CADPS2: variants seen among roughly 807,000 people sequenced by gnomAD.
CADPS2 encodes the protein calcium-dependent secretion activator 2.
Under a neutral mutation model 172.5 loss-of-function variants are expected in CADPS2, and 93 were observed. The observed-to-expected ratio is 0.54, with a 90% confidence interval of 0.46 to 0.64. The LOEUF (loss-of-function observed/expected upper bound fraction) is 0.64, where lower values mean the gene tolerates loss of function less well. CADPS2 is among the 30% of genes least tolerant of loss of function. The pLI, the probability that CADPS2 is intolerant of heterozygous loss-of-function variation, is 0.00. For missense variants in CADPS2, 1,420 were observed against 1,565.9 expected (o/e 0.91, Z 1.57); for synonymous variants, 546 against 555.2 (o/e 0.98, Z 0.23).
chr7:122,406,165 T>G (rs1033337812), intron 20 of CADPS2, among the ~76,000 whole-genome samples: 15 of 151,818 alleles, frequency 9.9e-5, no homozygotes, highest in African/African-American at 3.4e-4. Context: ...CTATGTGATT[T>G]CCCCCCCACC....
chr7:122,408,615 C>G (rs377026929), intron 19 of CADPS2, among the ~76,000 whole-genome samples: 1 of 151,996 alleles, frequency 6.6e-6, no homozygotes, highest in Admixed American at 6.6e-5. Flanking sequence ...TTAGGAGAAA[C>G]GGGGTTTTGC....
At chr7:122,355,695 T>C (rs2039306137) in intron 27 of CADPS2, among the ~76,000 whole-genome samples, 1 of 152,194 alleles carries the variant, frequency 6.6e-6, no homozygotes, top group Non-Finnish European at 1.5e-5. Context: ...GGTGGAATTT[T>C]TGGGCTCTGT....
chr7:122,447,178 T>A (rs1380641340), intron 15 of CADPS2, among the ~76,000 whole-genome samples: 1 of 152,042 alleles, frequency 6.6e-6, no homozygotes, highest in Non-Finnish European at 1.5e-5. Context: ...ATGAGAATGT[T>A]CTAGACAACT....
intron 7 of CADPS2, among the ~76,000 whole-genome samples, chr7:122,557,794 A>C (rs139182334): frequency 6.6e-6 from 1 of 152,210 alleles, no homozygotes; most frequent in Admixed American, 6.5e-5. Context: ...TCACCAGTAT[A>C]GAACTGTTGC....
chr7:122,474,352 T>C (rs1205983475), intron 13 of CADPS2, 29 bp downstream of exon 13: 2 of 1,602,418 alleles, frequency 1.2e-6, no homozygotes, highest in Admixed American at 1.7e-5. Flanking sequence ...TATTCCAACT[T>C]ATAGGGGACT....
intron 28 of CADPS2, among the ~76,000 whole-genome samples, chr7:122,335,633 A>T (rs1424219711): frequency 6.6e-6 from 1 of 152,232 alleles, no homozygotes; most frequent in Non-Finnish European, 1.5e-5. Flanking sequence ...GAATAAATAG[A>T]AGGCTTGAAA....
intron 1 of CADPS2, among the ~76,000 whole-genome samples, chr7:122,753,791 G>A (rs369561450): frequency 5.3e-5 from 8 of 152,044 alleles, no homozygotes; most frequent in African/African-American, 1.9e-4. Context: ...GCATGCTCTT[G>A]GGGACATACA....
At chr7:122,552,152 T>C (rs1367488762) in intron 8 of CADPS2, among the ~76,000 whole-genome samples, 2 of 152,200 alleles carry the variant, frequency 1.3e-5, no homozygotes, top group Non-Finnish European at 2.9e-5. Flanking sequence ...TTAATTCTTC[T>C]AATATTAGTA....
intron 17 of CADPS2, among the ~76,000 whole-genome samples, chr7:122,418,836 T>C (rs977754032): frequency 3.9e-5 from 6 of 152,182 alleles, no homozygotes; most frequent in African/African-American, 1.2e-4. Flanking sequence ...ACTAACTACA[T>C]TGCCACATAA....
chr7:122,861,660 T>C (rs1816972642), intron 1 of CADPS2, among the ~76,000 whole-genome samples: 1 of 152,216 alleles, frequency 6.6e-6, no homozygotes, highest in Admixed American at 6.5e-5. Flanking sequence ...TCAAAACAAC[T>C]AGAATAGAGG....
intron 8 of CADPS2, among the ~76,000 whole-genome samples, chr7:122,538,059 C>A (rs1049636767): frequency 1.3e-5 from 2 of 151,462 alleles, no homozygotes; most frequent in African/African-American, 2.4e-5. Context: ...CCCTTACCTC[C>A]AACCGAAGTT....
chr7:122,701,222 A>G (rs1193567894), intron 2 of CADPS2, among the ~76,000 whole-genome samples: 3 of 152,236 alleles, frequency 2.0e-5, no homozygotes, highest in Non-Finnish European at 4.4e-5. Context: ...ACGATTAAGA[A>G]AATGTGGCAC....
intron 1 of CADPS2, among the ~76,000 whole-genome samples, chr7:122,794,070 T>C (rs1333735725): frequency 6.6e-6 from 1 of 152,154 alleles, no homozygotes; most frequent in Non-Finnish European, 1.5e-5. Flanking sequence ...TTCTTTCATT[T>C]CAGCCTAGAG....
Position 122,739,560 on chromosome 7 carries a change from C to G in CADPS2, c.340-2492G>C, listed in dbSNP as rs564845016. Among the ~76,000 whole-genome samples, 21 of 152,184 alleles carry G rather than the reference C, an allele frequency of 1.4e-4. No homozygotes were observed. The East Asian group carries it at 3.1e-3, about 22-fold the overall frequency. On this transcript the variant is annotated intron_variant, in intron 1 of 29. Coordinates refer to ENST00000449022, the MANE Select transcript of CADPS2 (RefSeq NM_017954.11). ...AAGCTCCAACAAAGTTGATATAGTT[C>G]ACAAAATAAGCCAGAGTCACCTGGC...
At chr7:122,459,032 C>A (rs1390479433) in intron 14 of CADPS2, among the ~76,000 whole-genome samples, 1 of 151,810 alleles carries the variant, frequency 6.6e-6, no homozygotes, top group Non-Finnish European at 1.5e-5. Context: ...AAAATAAAGA[C>A]CAAAATGAAA....
intron 6 of CADPS2, 110 bp from the exon 7 acceptor site, chr7:122,581,400 A>G: frequency 2.6e-6 from 2 of 755,406 alleles, no homozygotes; most frequent in South Asian, 1.7e-5. Flanking sequence ...GTGCTCAATG[A>G]GCTTTTTATC....
intron 8 of CADPS2, among the ~76,000 whole-genome samples, chr7:122,514,905 G>A (rs1054371295): frequency 6.6e-6 from 1 of 152,052 alleles, no homozygotes; most frequent in African/African-American, 2.4e-5. Context: ...TAATGATTTG[G>A]AACTTGTAAA....
chr7:122,645,417 G>GTA (rs72243070), intron 3 of CADPS2, among the ~76,000 whole-genome samples: 2,900 of 59,210 alleles, frequency 0.049, 240 homozygotes, highest in Middle Eastern at 0.15. Context: ...ATACACACAT[G>GTA]TATATGTGTG....
At chr7:122,645,656 A>AAG (rs1428283023) in intron 3 of CADPS2, among the ~76,000 whole-genome samples, 13 of 18,496 alleles carry the variant, frequency 7.0e-4, no homozygotes, top group Middle Eastern at 0.1. Context: ...ATATATCTCT[A>AAG]AGATATATAT....
Sources: gnomAD v4.1 joint callset for allele counts (sites outside exome capture counted in the v4.1 genomes callset) on GRCh38, gnomAD v4.1.1 for gene constraint, MANE v1.5 for transcripts, NCBI Gene and HGNC (gene_info 2026-07-23, HGNC 2026-07-21) for gene names.